The following DLG2 variants were observed in gnomAD, a reference collection of about 807,000 sequenced individuals.
The protein encoded by DLG2 is discs large MAGUK scaffold protein 2.
DLG2 carries 45 observed loss-of-function variants against 132.5 expected under a neutral mutation model. The observed-to-expected ratio is 0.34, with a 90% CI of 0.27 to 0.44. The LOEUF is 0.44. Ranked by LOEUF, DLG2 falls within the 20% of genes least tolerant of loss-of-function variation. The pLI is 1.00. For synonymous variants in DLG2, 424 were observed against 419.6 expected (o/e 1.01, Z -0.13); for missense variants, 1,045 against 1,196.9 (o/e 0.87, Z 1.87).
intron 6 of DLG2, among the ~76,000 whole-genome samples, chr11:85,032,569 G>A (rs1411898645): frequency 6.6e-6 from 1 of 152,028 alleles, no homozygotes; most frequent in Admixed American, 6.6e-5. Context: ...AGTGAAAGGT[G>A]GTCTGCTCTA....
At chr11:84,227,803 G>T (rs532499665) in intron 8 of DLG2, among the ~76,000 whole-genome samples, 1 of 151,570 alleles carries the variant, frequency 6.6e-6, no homozygotes, top group Non-Finnish European at 1.5e-5. Context: ...ACACCCAGCT[G>T]CTCAGGAGGC....
In DLG2 at chr11:83,731,725, A is replaced by G. The variant is rs148214596; in HGVS notation, c.1825+54965T>C. On this transcript the variant is annotated intron_variant, in intron 18 of 27. Coordinates refer to ENST00000376104, the MANE Select transcript of DLG2 (RefSeq NM_001142699.3). Reference sequence around the variant, plus strand: ...GAGAAATCACCACACTGTCTTCCACAATGGTTGAAATAATTGACATTCCCA... The same window carrying G: ...GAGAAATCACCACACTGTCTTCCACGATGGTTGAAATAATTGACATTCCCA... Among the ~76,000 whole-genome samples, 38 of 152,328 alleles carry G rather than the reference A, an allele frequency of 2.5e-4. 1 individual carries two copies. The highest frequency in any genetic ancestry group is 8.9e-4 in the African/African-American group (37 of 41,572).
intron 6 of DLG2, among the ~76,000 whole-genome samples, chr11:84,965,871 T>C (rs184321064): frequency 6.6e-6 from 1 of 152,196 alleles, no homozygotes; most frequent in East Asian, 1.9e-4. Context: ...TCCTATACTG[T>C]TATCCTCTGC....
chr11:84,185,287 G>A (rs968056136), intron 8 of DLG2, among the ~76,000 whole-genome samples: 3 of 151,976 alleles, frequency 2.0e-5, no homozygotes, highest in Non-Finnish European at 1.5e-5. Context: ...GGTCCTTCAT[G>A]TCCCTTGTAA....
Position 83,654,365 on chromosome 11 carries a change from C to T in DLG2, c.1826-21040G>A, listed in dbSNP as rs540086395. On this transcript the variant is annotated intron_variant, in intron 18 of 27. Transcript: ENST00000376104. ...CCTCCTGACAACCTTCCTGATAACA[C>T]TCCAAGTGTACCAAGTGTTTTCAGA... Among the ~76,000 whole-genome samples, 17 of 152,320 alleles carry T rather than the reference C, an allele frequency of 1.1e-4. No homozygotes were observed. In the South Asian group the frequency reaches 1.9e-3, roughly 17 times the overall value.
At chr11:84,314,191 T>C (rs2098331497) in intron 7 of DLG2, among the ~76,000 whole-genome samples, 1 of 152,212 alleles carries the variant, frequency 6.6e-6, no homozygotes, top group South Asian at 2.1e-4. Flanking sequence ...GCTTAACAAC[T>C]CTCTGGCACA....
chr11:85,541,574 AC>A (rs2075978397), intron 3 of DLG2, among the ~76,000 whole-genome samples: 1 of 151,684 alleles, frequency 6.6e-6, no homozygotes, highest in African/African-American at 2.4e-5. Context: ...ACATCTCCAA[AC>A]CCTTTGAGAT....
intron 6 of DLG2, among the ~76,000 whole-genome samples, chr11:84,665,195 C>T (rs2099698613): frequency 6.6e-6 from 1 of 152,120 alleles, no homozygotes; most frequent in African/African-American, 2.4e-5. Context: ...TTTGTTATCA[C>T]AGCTGACCAA....
At chr11:85,388,359 T>G (rs1407136404) in intron 3 of DLG2, among the ~76,000 whole-genome samples, 4 of 152,140 alleles carry the variant, frequency 2.6e-5, no homozygotes, top group Non-Finnish European at 4.4e-5. Context: ...GATATCTTTC[T>G]CTACCTGCCC....
chr11:85,428,275 A>G (rs1262539838), intron 3 of DLG2, among the ~76,000 whole-genome samples: 2 of 152,212 alleles, frequency 1.3e-5, no homozygotes, highest in Non-Finnish European at 2.9e-5. Flanking sequence ...CACCAAGTGG[A>G]CCTAATAGAC....
chr11:84,013,486 G>A (rs1286166293), intron 11 of DLG2, among the ~76,000 whole-genome samples: 1 of 152,084 alleles, frequency 6.6e-6, no homozygotes, highest in Admixed American at 6.6e-5. Context: ...AGATATCAGA[G>A]TGATTGCAGA....
At chr11:84,645,825 C>T (rs970289975) in intron 6 of DLG2, among the ~76,000 whole-genome samples, 1 of 152,152 alleles carries the variant, frequency 6.6e-6, no homozygotes, top group Non-Finnish European at 1.5e-5. Flanking sequence ...GTGAATATTT[C>T]CCGTGCTTGA....
At chr11:84,052,687 CAAAAAAA>C (rs67140653) in intron 11 of DLG2, among the ~76,000 whole-genome samples, 1 of 125,312 alleles carries the variant, frequency 8.0e-6, no homozygotes. Flanking sequence ...ATTAAAAAGT[CAAAAAAA>C]AAAAAAAAAA....
intron 16 of DLG2, among the ~76,000 whole-genome samples, chr11:83,850,125 T>A (rs547288803): frequency 3.5e-5 from 4 of 114,966 alleles, no homozygotes; most frequent in Admixed American, 3.3e-4. Context: ...TTGGGGTAAG[T>A]GTGTGTGTGT....
At chr11:85,344,251 G>A (rs966510195) in intron 3 of DLG2, among the ~76,000 whole-genome samples, 6 of 152,134 alleles carry the variant, frequency 3.9e-5, no homozygotes, top group Non-Finnish European at 7.4e-5. Flanking sequence ...GTCTTCTTAT[G>A]GGGCATCTTG....
intron 5 of DLG2, among the ~76,000 whole-genome samples, chr11:85,145,115 A>AT (rs60398427): frequency 0.1 from 15,467 of 147,992 alleles, 967 homozygotes; most frequent in African/African-American, 0.17. Context: ...AAGTTGTTTC[A>AT]TTTTTTTTTT....
At chr11:85,113,941 T>A in intron 5 of DLG2, among the ~76,000 whole-genome samples, 1 of 151,962 alleles carries the variant, frequency 6.6e-6, no homozygotes, top group Non-Finnish European at 1.5e-5. Flanking sequence ...AGGAAATGGT[T>A]ATTTCCCTGT....
intron 17 of DLG2, among the ~76,000 whole-genome samples, chr11:83,824,291 C>A (rs1387009438): frequency 6.6e-6 from 1 of 152,134 alleles, no homozygotes; most frequent in Non-Finnish European, 1.5e-5. Flanking sequence ...CTTCTTTACG[C>A]CCATGTGGTC....
At position 84,874,138 on chromosome 11, in the gene DLG2, G is replaced by C. The variant is rs543706715; in HGVS notation, c.357+237523C>G. Among the ~76,000 whole-genome samples, 3 of 152,286 alleles carry C rather than the reference G, an allele frequency of 2.0e-5. No individual in the cohort carries two copies. In the South Asian group the frequency reaches 6.2e-4, roughly 32 times the overall value. ...TTCACCACCACTGGCAGGTGTCTTA[G>C]TTTGCAGAAAAGATTGTTGGGGCAT... is the stretch of plus-strand genomic sequence containing the variant. On this transcript the variant is annotated intron_variant, in intron 6 of 27. Coordinates refer to ENST00000376104, the MANE Select transcript of DLG2 (RefSeq NM_001142699.3).
Sources: gnomAD v4.1 joint callset for allele counts (sites outside exome capture counted in the v4.1 genomes callset) on GRCh38, gnomAD v4.1.1 for gene constraint, MANE v1.5 for transcripts, NCBI Gene and HGNC (gene_info 2026-07-23, HGNC 2026-07-21) for gene names.